The following LTBP1 variants were observed in gnomAD, a reference collection of about 807,000 sequenced individuals.
LTBP1 encodes the protein latent transforming growth factor beta binding protein 1.
LTBP1 carries 129 observed loss-of-function variants against 207.6 expected under a neutral mutation model. The ratio of observed to expected loss-of-function variants is 0.62; its 90% CI spans 0.54 to 0.72. LTBP1 has a LOEUF of 0.72. Among genes scored for constraint, LTBP1 ranks in the 30% least tolerant of loss-of-function variants. The pLI is 0.00. For missense variants in LTBP1, 2,281 were observed against 2,217.2 expected (o/e 1.03, Z -0.58); for synonymous variants, 963 against 833.7 (o/e 1.16, Z -2.67).
At chr2:33,147,696 G>A (rs1222850338) in intron 5 of LTBP1, among the ~76,000 whole-genome samples, 1 of 152,186 alleles carries the variant, frequency 6.6e-6, no homozygotes, top group African/African-American at 2.4e-5. Context: ...AGTCCTACCA[G>A]GATGGCTTAA....
intron 7 of LTBP1, among the ~76,000 whole-genome samples, chr2:33,202,587 C>G (rs944170087): frequency 6.6e-6 from 1 of 152,214 alleles, no homozygotes; most frequent in East Asian, 1.9e-4. Context: ...TATTGTAACA[C>G]TTTTCACACT....
At chr2:33,216,566 G>A (rs1354964678) in intron 7 of LTBP1, among the ~76,000 whole-genome samples, 1 of 152,116 alleles carries the variant, frequency 6.6e-6, no homozygotes, top group African/African-American at 2.4e-5. Context: ...ATTTGTCTTT[G>A]GAAAGACAAC....
Position 33,379,196 on chromosome 2 carries a change from C to CTT in LTBP1, c.4712-9966_4712-9965dup, listed in dbSNP as rs550839552. On this transcript the variant is annotated intron_variant, in intron 31 of 33. Coordinates refer to ENST00000404816, the MANE Select transcript of LTBP1 (RefSeq NM_206943.4). ...AAAGTAATTTCAGTTTTTGCCATTG[C>CTT]TTTTTTTTTTTTTTTTTTTTTTTCT... 2.9e-4 allele frequency among the ~76,000 whole-genome samples: 31 copies of CTT among 108,528 alleles called. 1 individual carries two copies. Among genetic ancestry groups the CTT allele is most frequent in the Middle Eastern group, 5.8e-3 (1 of 172 alleles). 71.2% of individuals were successfully genotyped at this position (108,528 alleles called of 152,430 possible).
chr2:33,230,675 A>G (rs4670322), intron 9 of LTBP1, among the ~76,000 whole-genome samples: 36,248 of 152,162 alleles, frequency 0.24, 5,270 homozygotes, highest in Admixed American at 0.32. Context: ...AATACTGAGT[A>G]CCCTCTTTTG....
chr2:33,219,878 A>G (rs888723323), intron 8 of LTBP1, among the ~76,000 whole-genome samples: 2 of 151,868 alleles, frequency 1.3e-5, no homozygotes, highest in East Asian at 1.9e-4. Flanking sequence ...TTAATCCCTA[A>G]CTTCCACTCT....
At chr2:33,032,910 C>T (rs1414685622) in intron 3 of LTBP1, among the ~76,000 whole-genome samples, 1 of 152,142 alleles carries the variant, frequency 6.6e-6, no homozygotes, top group Non-Finnish European at 1.5e-5. Context: ...TTTTAAAAAA[C>T]TTACATATCC....
chr2:33,125,400 G>T (rs1475477617), intron 4 of LTBP1, among the ~76,000 whole-genome samples: 1 of 152,150 alleles, frequency 6.6e-6, no homozygotes, highest in East Asian at 1.9e-4. Flanking sequence ...TGCCATTCAT[G>T]TATACGGTGC....
intron 32 of LTBP1, among the ~76,000 whole-genome samples, chr2:33,391,341 C>G (rs979079865): frequency 1.3e-5 from 2 of 151,062 alleles, no homozygotes; most frequent in Non-Finnish European, 2.9e-5. Context: ...AACCATGCAG[C>G]TCTTTATGAA....
intron 3 of LTBP1, among the ~76,000 whole-genome samples, chr2:33,063,910 A>G (rs755600269): frequency 6.6e-6 from 1 of 151,472 alleles, no homozygotes; most frequent in Non-Finnish European, 1.5e-5. Context: ...CTAGAGTGCA[A>G]TGGCATGACC....
At chr2:33,145,051 A>G (rs974991652) in intron 5 of LTBP1, among the ~76,000 whole-genome samples, 4 of 152,228 alleles carry the variant, frequency 2.6e-5, no homozygotes, top group Non-Finnish European at 5.9e-5. Context: ...ATAAAGAAAG[A>G]AAATAAGAAG....
intron 3 of LTBP1, among the ~76,000 whole-genome samples, chr2:33,092,552 C>T (rs1397658969): frequency 6.6e-6 from 1 of 152,190 alleles, no homozygotes; most frequent in Non-Finnish European, 1.5e-5. Flanking sequence ...TGATTTTTAT[C>T]CCATTCTCTC....
At chr2:33,083,477 CAT>C (rs571903511) in intron 3 of LTBP1, among the ~76,000 whole-genome samples, 40 of 152,064 alleles carry the variant, frequency 2.6e-4, no homozygotes, top group Non-Finnish European at 3.2e-4. Flanking sequence ...TGGGGAGTGA[CAT>C]GTGATGAGGG....
intron 15 of LTBP1, among the ~76,000 whole-genome samples, chr2:33,264,991 G>A (rs904919327): frequency 7.2e-5 from 11 of 152,064 alleles, no homozygotes; most frequent in Non-Finnish European, 1.6e-4. Context: ...CCTGGATACC[G>A]GGCATACCAG....
Position 32,959,898 on chromosome 2 carries a change from G to A in LTBP1, c.565+10953G>A, listed in dbSNP as rs112667894. Among the ~76,000 whole-genome samples, 1,065 of 151,754 alleles carry A rather than the reference G, an allele frequency of 7.0e-3. 12 individuals are homozygous for A. The highest frequency in any genetic ancestry group is 0.024 in the African/African-American group (973 of 41,336). The stretch of plus-strand genomic sequence containing the variant: ...GGTCTCCCAGAGTACTGGGATTACA[G>A]GTGTGAGCCACTACACCCACCCTAT... On this transcript the variant is annotated intron_variant, in intron 2 of 33. Transcript: ENST00000404816.
chr2:33,369,228 C>T (rs965382000), intron 31 of LTBP1, among the ~76,000 whole-genome samples: 5 of 152,058 alleles, frequency 3.3e-5, no homozygotes, highest in African/African-American at 1.2e-4. Context: ...CATTGCTATA[C>T]TGTTTCTAGT....
At chr2:32,956,666 C>A (rs913358870) in intron 2 of LTBP1, among the ~76,000 whole-genome samples, 4 of 152,338 alleles carry the variant, frequency 2.6e-5, no homozygotes, top group African/African-American at 7.2e-5. Context: ...ATACTTTAAT[C>A]TCCTCCCGTA....
intron 5 of LTBP1, among the ~76,000 whole-genome samples, chr2:33,142,026 G>T (rs2082675774): frequency 6.6e-6 from 1 of 152,134 alleles, no homozygotes; most frequent in African/African-American, 2.4e-5. Context: ...TTTAAAAAAG[G>T]TTATCAAGAA....
At chr2:33,240,467 A>G (rs184581561) in intron 9 of LTBP1, among the ~76,000 whole-genome samples, 10 of 152,272 alleles carry the variant, frequency 6.6e-5, no homozygotes, top group Admixed American at 2.6e-4. Context: ...ACTTTAATTT[A>G]GAAAGCTTGT....
At chr2:33,075,641 G>A (rs949410950) in intron 3 of LTBP1, among the ~76,000 whole-genome samples, 5 of 152,146 alleles carry the variant, frequency 3.3e-5, no homozygotes, top group Non-Finnish European at 5.9e-5. Flanking sequence ...GGCCTTATGC[G>A]TGTTTGAACC....
Sources: gnomAD v4.1 joint callset for allele counts (sites outside exome capture counted in the v4.1 genomes callset) on GRCh38, gnomAD v4.1.1 for gene constraint, MANE v1.5 for transcripts, NCBI Gene and HGNC (gene_info 2026-07-23, HGNC 2026-07-21) for gene names.